The following METTL3 variants were observed in gnomAD, a reference collection of about 807,000 sequenced individuals.
The protein encoded by METTL3 is methyltransferase 3, N6-adenosine-methyltransferase complex catalytic subunit.
Under a neutral mutation model 64.3 loss-of-function variants are expected in METTL3, and 42 were observed. The observed-to-expected ratio is 0.65, with a 90% CI of 0.51 to 0.84. The LOEUF is 0.84. Among genes scored for constraint, METTL3 ranks in the 40% least tolerant of loss-of-function variants. The pLI is 0.00. For missense variants in METTL3, 435 were observed against 722.3 expected (o/e 0.60, Z 4.56); for synonymous variants, 256 against 263.6 (o/e 0.97, Z 0.28).
At chr14:21,499,639 T>C (rs952670013) in intron 7 of METTL3, 39 bp from the exon 8 acceptor site, 1 of 1,599,880 alleles carries the variant, frequency 6.3e-7, no homozygotes, top group African/African-American at 1.3e-5. Context: ...TTAGCCAAAC[T>C]TTTACAGTTT....
chr14:21,501,387 G>C, intron 4 of METTL3: 1 of 553,746 alleles, frequency 1.8e-6, no homozygotes, highest in Non-Finnish European at 3.2e-6. Flanking sequence ...GACTTGGGTA[G>C]AACAGAATAA....
intron 1 of METTL3, 190 bp downstream of exon 1, chr14:21,510,934 C>A (rs1014758244): frequency 3.3e-6 from 2 of 605,152 alleles, no homozygotes; most frequent in Middle Eastern, 4.5e-4. Context: ...CGAGGCCCAG[C>A]GTGAGGAGGA....
chr14:21,501,521 A>G, intron 4 of METTL3: 1 of 660,776 alleles, frequency 1.5e-6, no homozygotes, highest in Non-Finnish European at 2.5e-6. Flanking sequence ...GGAGCTTTTA[A>G]AAAAAAAATC....
chr14:21,501,426 T>C (rs1252554646), intron 4 of METTL3: 1 of 546,446 alleles, frequency 1.8e-6, no homozygotes, highest in Non-Finnish European at 3.2e-6. Context: ...TAGGTTCCTT[T>C]TCTCCTAAGA....
chr14:21,500,397 TTTAA>T, intron 6 of METTL3, 94 bp downstream of exon 6: 1 of 1,220,916 alleles, frequency 8.2e-7, no homozygotes, highest in Non-Finnish European at 1.2e-6. Flanking sequence ...CAGTCATACA[TTTAA>T]TAGTGGGGCT....
At chr14:21,501,519 TAAAA>T in intron 4 of METTL3, 1 of 545,936 alleles carries the variant, frequency 1.8e-6, no homozygotes, top group East Asian at 3.5e-5. Flanking sequence ...AGGGAGCTTT[TAAAA>T]AAAAAATCTC....
intron 3 of METTL3, 61 bp from the exon 4 acceptor site, chr14:21,501,964 A>G: frequency 6.8e-7 from 1 of 1,461,450 alleles, no homozygotes; most frequent in Non-Finnish European, 9.4e-7. Flanking sequence ...TCTTAGACCA[A>G]CTCCGCAAAT....
intron 3 of METTL3, 84 bp downstream of exon 3, chr14:21,503,089 A>G (rs1325798892): frequency 2.1e-6 from 3 of 1,424,424 alleles, no homozygotes; most frequent in Non-Finnish European, 2.8e-6. Context: ...TGCTGTAAAC[A>G]GTTCCTTGCC....
intron 1 of METTL3, among the ~76,000 whole-genome samples, chr14:21,506,113 T>A (rs1891690547): frequency 1.3e-5 from 2 of 152,290 alleles, no homozygotes; most frequent in South Asian, 2.1e-4. Context: ...AAGATTTTTT[T>A]AAGTAATATT....
intron 7 of METTL3, 43 bp downstream of exon 7, chr14:21,499,721 A>G (rs1343713523): frequency 8.1e-6 from 13 of 1,596,852 alleles, no homozygotes; most frequent in Non-Finnish European, 1.0e-5. Flanking sequence ...ATCTCACTGT[A>G]ACAGTATTAC....
In METTL3 at chr14:21,499,010, C is replaced by T. The variant is rs368052687; in HGVS notation, c.1631+15G>A. ...ATAGCCCCTTGAGGACTAGCCTGTTCTCTGGTCACCTTACCAGTTGGGTTG... is the reference window on the plus strand; with the variant it reads ...ATAGCCCCTTGAGGACTAGCCTGTTTTCTGGTCACCTTACCAGTTGGGTTG... On this transcript the variant is annotated intron_variant, in intron 10 of 10. Transcript: ENST00000298717. 1.3e-5 allele frequency: 20 copies of T among 1,583,442 alleles called. No homozygotes were observed. Among genetic ancestry groups the T allele is most frequent in the African/African-American group, 1.3e-5 (1 of 74,296 alleles).
intron 1 of METTL3, chr14:21,504,417 A>G (rs1891647452): frequency 6.5e-6 from 1 of 154,476 alleles, no homozygotes; most frequent in Non-Finnish European, 1.4e-5. Flanking sequence ...ATATTTCCTG[A>G]CTATATTATT....
At chr14:21,506,353 A>C (rs1891697402) in intron 1 of METTL3, among the ~76,000 whole-genome samples, 1 of 151,974 alleles carries the variant, frequency 6.6e-6, no homozygotes, top group Non-Finnish European at 1.5e-5. Context: ...GGAGATCGAG[A>C]CCATCCTGGC....
At chr14:21,498,952 A>C in intron 10 of METTL3, 73 bp downstream of exon 10, 1 of 1,003,160 alleles carries the variant, frequency 1.0e-6, no homozygotes, top group South Asian at 1.3e-5. Context: ...AACAATGTGA[A>C]GCTCTACTAA....
chr14:21,500,930 G>T lies in METTL3; in HGVS notation c.1099C>A (p.Arg367=), dbSNP rs202016326. The T allele has an allele frequency of 5.6e-6, 9 of 1,613,666 alleles. No homozygotes were observed. The highest frequency in any genetic ancestry group is 7.6e-6 in the Non-Finnish European group (9 of 1,179,834). The change falls in exon 5 of 11, where the codon CGA becomes AGA. Residue 367 remains arginine, a synonymous_variant. Coordinates refer to ENST00000298717, the MANE Select transcript of METTL3 (RefSeq NM_019852.5). ...ACAGGTACCTGAGGTGGGAAGAGTC[G>T]GTCTGCACTGGAATCACCTCCGACA... ...QSVGGDSSAD[R]LFPPQWICCD...
At chr14:21,509,776 A>T (rs943301792) in intron 1 of METTL3, among the ~76,000 whole-genome samples, 1 of 152,198 alleles carries the variant, frequency 6.6e-6, no homozygotes, top group African/African-American at 2.4e-5. Flanking sequence ...ACCAAAGAAT[A>T]GGGGAAAAAA....
intron 3 of METTL3, chr14:21,502,507 T>C (rs1197466128): frequency 1.3e-5 from 2 of 153,888 alleles, no homozygotes; most frequent in African/African-American, 2.4e-5. Flanking sequence ...AAAAAACATA[T>C]TTACTGGGTG....
chr14:21,504,332 G>A (rs2139646471), intron 1 of METTL3: 1 of 170,666 alleles, frequency 5.9e-6, no homozygotes, highest in South Asian at 1.3e-4. Flanking sequence ...ACAATGTTGG[G>A]GGCCAACAGT....
chr14:21,502,066 A>C lies in METTL3; in HGVS notation c.724-163T>G, dbSNP rs1891583266. ...GGGATCTTGCTGTCACCCAGGCCAGAGTGTAGTTGTGTAATCATAACTCAC... is the reference window on the plus strand; with the variant it reads ...GGGATCTTGCTGTCACCCAGGCCAGCGTGTAGTTGTGTAATCATAACTCAC... On this transcript the variant is annotated intron_variant, in intron 3 of 10. Coordinates refer to ENST00000298717, the MANE Select transcript of METTL3 (RefSeq NM_019852.5). 2.1e-5 allele frequency among the ~76,000 whole-genome samples: 3 copies of C among 143,950 alleles called. No individual in the cohort carries two copies. In the South Asian group the frequency reaches 6.5e-4, roughly 31 times the overall value. The allele number at this position is 143,950 out of a possible 152,430, so 94.4% of individuals were successfully genotyped here. A position where few individuals can be genotyped will look rare whatever the true frequency, so the allele number is the denominator to read the frequency against.
Sources: allele counts gnomAD v4.1 joint callset (sites outside exome capture counted in the v4.1 genomes callset), GRCh38; gene constraint gnomAD v4.1.1; transcripts MANE v1.5; gene names NCBI Gene and HGNC (gene_info 2026-07-23, HGNC 2026-07-21).